NUP153: variants seen among roughly 807,000 people sequenced by gnomAD.
NUP153 encodes the protein nuclear pore complex protein Nup153.
A neutral mutation model predicts 134.6 loss-of-function variants in NUP153; 27 were observed. That is an observed-to-expected ratio of 0.20 (90% CI 0.15 to 0.28). The LOEUF (loss-of-function observed/expected upper bound fraction) is 0.28. Ranked by LOEUF, NUP153 falls within the 10% of genes least tolerant of loss-of-function variation. The probability of loss-of-function intolerance (pLI) is 1.00; values close to 1 mark genes in which losing one functional copy is unlikely to be tolerated. For synonymous variants in NUP153, 640 were observed against 623.5 expected, an observed-to-expected ratio of 1.03 and a Z score of -0.40; for missense variants, 1,821 against 1,731.3, an observed-to-expected ratio of 1.05 and a Z score of -0.92.
At chr6:17,668,380 G>T (rs768728340) in intron 8 of NUP153, among the ~76,000 whole-genome samples, 1 of 151,606 alleles carries the variant, frequency 6.6e-6, no homozygotes, top group Non-Finnish European at 1.5e-5. Flanking sequence ...GCACCTGGCC[G>T]ATCACTCCTA....
rs1175724007 is a variant in NUP153 at position 17,624,643 on chromosome 6, T to C, written c.4092A>G (p.Thr1364=). 2 of 1,614,198 alleles carry C rather than the reference T, an allele frequency of 1.2e-6. No homozygotes were observed. The highest frequency in any genetic ancestry group is 1.6e-4 in the Middle Eastern group (1 of 6,062). The change falls in exon 20 of 22, where the codon ACA becomes ACG. Residue 1364 remains threonine (T), a synonymous_variant. Transcript: ENST00000262077. ...GSQPAPPTFG[T]VSSSSQPPVF... ...CAGGGGGCTGGCTACTGCTTGACAC[T>C]GTCCCAAAAGTAGGTGGTGCAGGCT...
intron 1 of NUP153, among the ~76,000 whole-genome samples, chr6:17,696,136 AAACC>A (rs1347958506): frequency 1.3e-5 from 2 of 152,216 alleles, no homozygotes; most frequent in African/African-American, 2.4e-5. Flanking sequence ...CAAAACAAAC[AAACC>A]AACCAACCCC....
intron 14 of NUP153, among the ~76,000 whole-genome samples, chr6:17,643,932 T>A (rs1765994116): frequency 2.0e-5 from 3 of 152,208 alleles, no homozygotes; most frequent in African/African-American, 4.8e-5. Context: ...AATTGGTAAT[T>A]TGAAGAAATT....
intron 20 of NUP153, among the ~76,000 whole-genome samples, chr6:17,617,756 G>T (rs780822410): frequency 1.3e-5 from 2 of 152,042 alleles, no homozygotes; most frequent in Non-Finnish European, 2.9e-5. Context: ...GAGGTGGGAA[G>T]ATCTTCTGAG....
At chr6:17,698,028 T>G (rs2113861722) in intron 1 of NUP153, among the ~76,000 whole-genome samples, 1 of 152,320 alleles carries the variant, frequency 6.6e-6, no homozygotes, top group South Asian at 2.1e-4. Flanking sequence ...CACATTATCC[T>G]TAGCAGTGTT....
At chr6:17,695,958 G>C (rs1037862697) in intron 1 of NUP153, among the ~76,000 whole-genome samples, 1 of 151,978 alleles carries the variant, frequency 6.6e-6, no homozygotes, top group Non-Finnish European at 1.5e-5. Context: ...GCAGTGAGCT[G>C]AGATTGCACC....
At position 17,669,283 on chromosome 6, in the gene NUP153, C is replaced by T; in HGVS notation, c.1014+10G>A. ...CAATATTTTGTAAAAAGGTTTAAAT[C>T]TCAACTTACAGAATTCAGAGGAGAA... is the stretch of plus-strand genomic sequence containing the variant. On this transcript the variant is annotated intron_variant, in intron 7 of 21. Transcript: ENST00000262077. 1.9e-6 allele frequency: 3 copies of T among 1,607,746 alleles called. No individual in the cohort carries two copies. Among genetic ancestry groups the T allele is most frequent in the Non-Finnish European group, 8.5e-7 (1 of 1,174,674 alleles).
At chr6:17,664,515 G>A (rs1767396891) in intron 9 of NUP153, among the ~76,000 whole-genome samples, 1 of 152,084 alleles carries the variant, frequency 6.6e-6, no homozygotes, top group Non-Finnish European at 1.5e-5. Flanking sequence ...GTTTCAATAT[G>A]GACTGGATAT....
chr6:17,648,379 G>C (rs866677291), intron 12 of NUP153, among the ~76,000 whole-genome samples: 14 of 152,126 alleles, frequency 9.2e-5, no homozygotes, highest in Non-Finnish European at 2.1e-4. Context: ...CACTTTGGGA[G>C]GCCAAGGCAG....
chr6:17,646,257 G>C (rs1208520870), intron 13 of NUP153, 103 bp from the exon 14 acceptor site: 2 of 542,356 alleles, frequency 3.7e-6, no homozygotes, highest in African/African-American at 2.0e-5. Context: ...GCCCAGGCTG[G>C]AGTGCAGTGG....
chr6:17,620,048 A>G (rs1764563729), intron 20 of NUP153, among the ~76,000 whole-genome samples: 1 of 147,096 alleles, frequency 6.8e-6, no homozygotes, highest in Admixed American at 6.9e-5. Flanking sequence ...CAGTGAGCCA[A>G]GATTGCACCA....
chr6:17,652,966 T>C (rs1196804846), intron 11 of NUP153, among the ~76,000 whole-genome samples: 3 of 151,882 alleles, frequency 2.0e-5, no homozygotes, highest in African/African-American at 4.8e-5. Context: ...GAGGCGGAGG[T>C]TGCAGTGAGC....
rs11428582 is a variant in NUP153 at position 17,678,352 on chromosome 6, C to CAAAAAAAAAAAAAAAAAAAAA, written c.335-2603_335-2583dup. On this transcript the variant is annotated intron_variant, in intron 2 of 21. Coordinates refer to ENST00000262077, the MANE Select transcript of NUP153 (RefSeq NM_005124.4). Reference sequence around the variant, plus strand: ...GCCTGGTTGACAGAACCCTCTGTCTCAAAAAAAAAAAAAAAAAAAAAAAGA... The same window carrying CAAAAAAAAAAAAAAAAAAAAA: ...GCCTGGTTGACAGAACCCTCTGTCTCAAAAAAAAAAAAAAAAAAAAAAAAAAAAAAAAAAAAAAAAAAAAGA... 4.7e-4 allele frequency among the ~76,000 whole-genome samples: 32 copies of CAAAAAAAAAAAAAAAAAAAAA among 68,224 alleles called. 2 individuals are homozygous for CAAAAAAAAAAAAAAAAAAAAA. The highest frequency in any genetic ancestry group is 7.6e-4 in the African/African-American group (12 of 15,712). 44.8% of individuals were successfully genotyped at this position (68,224 alleles called of 152,430 possible). A position where few individuals can be genotyped will look rare whatever the true frequency, so the allele number is the denominator to read the frequency against.
chr6:17,623,322 C>T (rs1295843378), intron 20 of NUP153, among the ~76,000 whole-genome samples: 1 of 103,446 alleles, frequency 9.7e-6, no homozygotes. Context: ...AGAACCTCTA[C>T]AAACTTACAC....
At chr6:17,616,288 G>GGT in intron 21 of NUP153, 107 bp from the exon 22 acceptor site, 1 of 476,204 alleles carries the variant, frequency 2.1e-6, no homozygotes, top group Non-Finnish European at 3.9e-6. Context: ...CGGGTGGGGG[G>GGT]GGAGTAGACT....
intron 1 of NUP153, among the ~76,000 whole-genome samples, chr6:17,697,843 CACTT>C (rs1175476807): frequency 1.3e-5 from 2 of 152,160 alleles, no homozygotes; most frequent in Non-Finnish European, 2.9e-5. Flanking sequence ...ACTCAGAACT[CACTT>C]GTAATTAACG....
intron 1 of NUP153, among the ~76,000 whole-genome samples, chr6:17,696,011 A>G (rs1269239682): frequency 6.6e-6 from 1 of 152,048 alleles, no homozygotes; most frequent in Non-Finnish European, 1.5e-5. Context: ...TCCGTCTCAA[A>G]AAAAAAAACA....
intron 2 of NUP153, among the ~76,000 whole-genome samples, chr6:17,676,729 C>T (rs1270170775): frequency 6.6e-6 from 1 of 152,158 alleles, no homozygotes; most frequent in East Asian, 1.9e-4. Context: ...GATTACCCAG[C>T]TCTCTGTCTA....
chr6:17,644,806 C>A (rs1581695619), intron 14 of NUP153, among the ~76,000 whole-genome samples: 1 of 152,194 alleles, frequency 6.6e-6, no homozygotes, highest in South Asian at 2.1e-4. Flanking sequence ...TAGCCAGGGG[C>A]AGGGCGCGGT....
Sources: gnomAD v4.1 joint callset for allele counts (sites outside exome capture counted in the v4.1 genomes callset) on GRCh38, gnomAD v4.1.1 for gene constraint, MANE v1.5 for transcripts, NCBI Gene and HGNC (gene_info 2026-07-23, HGNC 2026-07-21) for gene names.